Variants in KIF13A observed in about 807,000 individuals in gnomAD.
The protein encoded by KIF13A is kinesin-like protein KIF13A.
Under a neutral mutation model 212.2 loss-of-function variants are expected in KIF13A, and 79 were observed. The ratio of observed to expected loss-of-function variants is 0.37; its 90% CI spans 0.31 to 0.45. KIF13A has a LOEUF of 0.45. KIF13A is among the 20% of genes least tolerant of loss of function. The pLI, the probability that KIF13A is intolerant of heterozygous loss-of-function variation, is 1.00. For synonymous variants in KIF13A, 789 were observed against 808.6 expected (o/e 0.98, Z 0.41); for missense variants, 1,901 against 2,209.0 (o/e 0.86, Z 2.79).
At position 17,917,924 on chromosome 6, in the gene KIF13A, A is replaced by G. The variant is rs140716263; in HGVS notation, c.147-19744T>C. Reference sequence around the variant, plus strand: ...ATAACACTTCCACTTTGGAGGCTTCAAGCTACTGCCCCCTCTGCCAGGAAT... The same window carrying G: ...ATAACACTTCCACTTTGGAGGCTTCGAGCTACTGCCCCCTCTGCCAGGAAT... On this transcript the variant is annotated intron_variant, in intron 2 of 38. Transcript: ENST00000259711. Among the ~76,000 whole-genome samples, 33 of 152,056 alleles carry G rather than the reference A, an allele frequency of 2.2e-4. No homozygotes were observed. The East Asian group carries it at 6.4e-3, about 29-fold the overall frequency.
Position 17,849,404 on chromosome 6 carries a change from C to A in KIF13A, c.803G>T (p.Arg268Leu). 6.2e-7 allele frequency: 1 copy of A among 1,613,258 alleles called. No individual in the cohort carries two copies. Among genetic ancestry groups the A allele is most frequent in the Non-Finnish European group, 8.5e-7 (1 of 1,179,546 alleles). ...RVSKTGAAGE[R>L]LKEGSNINKS... ...GTTAATGTTGCTGCCTTCTTTCAGT[C>A]GCTCTCCTGCAGCTCCTGTTTTAGA... Residue 268 changes from arginine to leucine, a missense_variant, in exon 9 of 39, where the codon CGA (arginine) becomes CTA (leucine). Arg to Leu is a moderately radical substitution (Grantham distance 102, BLOSUM62 -2). This residue lies in a region of KIF13A where 506 missense variants were observed against 637.4 expected (regional missense o/e 0.79). Transcript: ENST00000259711. This position sits in a 1 kb window ranked among gnomAD's most constrained non-coding sequence, Gnocchi z 5.7.
chr6:17,794,824 T>C lies in KIF13A; in HGVS notation c.2943-120A>G. ...GCTAGGCACTGTGCCATTTATCTTG[T>C]ATAAGTTACTTCCTTATTTAACTCT... On this transcript the variant is annotated intron_variant, in intron 23 of 38. Coordinates refer to ENST00000259711, the MANE Select transcript of KIF13A (RefSeq NM_022113.6). The surrounding 1 kb of genome is among the most constrained non-coding windows in gnomAD (Gnocchi z 4.1). The C allele has an allele frequency of 2.0e-6, 2 of 1,025,160 alleles. No individual in the cohort carries two copies. Among genetic ancestry groups the C allele is most frequent in the Non-Finnish European group, 2.8e-6 (2 of 718,080 alleles). The allele number at this position is 1,025,160 out of a possible 1,614,324, so 63.5% of individuals were successfully genotyped here. A position where few individuals can be genotyped will look rare whatever the true frequency, so the allele number is the denominator to read the frequency against.
intron 2 of KIF13A, among the ~76,000 whole-genome samples, chr6:17,936,823 AGT>A (rs1424345990): frequency 6.6e-6 from 1 of 152,234 alleles, no homozygotes; most frequent in African/African-American, 2.4e-5. Flanking sequence ...GTTACATTTA[AGT>A]GTGTTTGCAT....
At chr6:17,922,410 A>G (rs1441852938) in intron 2 of KIF13A, among the ~76,000 whole-genome samples, 1 of 152,224 alleles carries the variant, frequency 6.6e-6, no homozygotes. Context: ...TACTCCATAC[A>G]ATGCAACAGT....
In KIF13A at chr6:17,787,679, T is replaced by C; in HGVS notation, c.3361+97A>G. 1.4e-6 allele frequency: 1 copy of C among 696,946 alleles called. No individual in the cohort carries two copies. 43.2% of individuals were successfully genotyped at this position (696,946 alleles called of 1,614,324 possible). On this transcript the variant is annotated intron_variant, in intron 27 of 38. Coordinates refer to ENST00000259711, the MANE Select transcript of KIF13A (RefSeq NM_022113.6). The surrounding 1 kb of genome is among the most constrained non-coding windows in gnomAD (Gnocchi z 4.6). Reference sequence around the variant, plus strand: ...ACAACAACAACAACAACAACAAAAATAAGATACTACTGTCCAGTTAGGGGA... The same window carrying C: ...ACAACAACAACAACAACAACAAAAACAAGATACTACTGTCCAGTTAGGGGA...
intron 16 of KIF13A, chr6:17,821,903 C>T: frequency 2.0e-6 from 3 of 1,535,424 alleles, no homozygotes; most frequent in African/African-American, 1.4e-5. Context: ...ATCGGGAAGC[C>T]ACCTAGCAGT....
rs1771278782 is a variant in KIF13A at position 17,883,588 on chromosome 6, T to G, written c.160-10151A>C. 6.6e-6 allele frequency among the ~76,000 whole-genome samples: 1 copy of G among 152,190 alleles called. No homozygotes were observed. The highest frequency in any genetic ancestry group is 6.5e-5 in the Admixed American group (1 of 15,272). ...CTGGTGTCACCCTACAGGCATTATT[T>G]TTGTGTTTACTGGATTCCCACTGCT... On this transcript the variant is annotated intron_variant, in intron 3 of 38. Coordinates refer to ENST00000259711, the MANE Select transcript of KIF13A (RefSeq NM_022113.6). The surrounding 1 kb of genome is among the most constrained non-coding windows in gnomAD (Gnocchi z 4.8).
At chr6:17,853,177 T>C (rs1465024833) in intron 6 of KIF13A, among the ~76,000 whole-genome samples, 2 of 152,194 alleles carry the variant, frequency 1.3e-5, no homozygotes, top group Non-Finnish European at 2.9e-5. Flanking sequence ...GCCGTTTCAT[T>C]TCATAACATC....
At chr6:17,985,457 G>A (rs939483255) in intron 2 of KIF13A, among the ~76,000 whole-genome samples, 4 of 152,064 alleles carry the variant, frequency 2.6e-5, no homozygotes, top group African/African-American at 9.7e-5. Flanking sequence ...TCATTAAACA[G>A]TAGCTAACAG....
intron 2 of KIF13A, among the ~76,000 whole-genome samples, chr6:17,904,249 C>A (rs1360019410): frequency 1.3e-5 from 2 of 152,024 alleles, no homozygotes; most frequent in African/African-American, 4.8e-5. Flanking sequence ...GGGTGGATCA[C>A]TTGAGGTCAG....
chr6:17,987,223 G>T lies in KIF13A; in HGVS notation c.56-79C>A. On this transcript the variant is annotated intron_variant, in intron 1 of 38. Transcript: ENST00000259711. The surrounding 1 kb of genome is among the most constrained non-coding windows in gnomAD (Gnocchi z 7.7). ...CGCCCGCCCGCCAGCCGCGCCGAGCGGGGCTCCGTCCCTGGAGGCGGCCGA... is the reference window on the plus strand; with the variant it reads ...CGCCCGCCCGCCAGCCGCGCCGAGCTGGGCTCCGTCCCTGGAGGCGGCCGA... The T allele has an allele frequency of 7.8e-7, 1 of 1,288,852 alleles. No homozygotes were observed. The highest frequency in any genetic ancestry group is 1.1e-6 in the Non-Finnish European group (1 of 929,586). 79.8% of individuals were successfully genotyped at this position (1,288,852 alleles called of 1,614,324 possible). A position where few individuals can be genotyped will look rare whatever the true frequency, so the allele number is the denominator to read the frequency against.
At chr6:17,840,601 C>T (rs756738478) in intron 9 of KIF13A, among the ~76,000 whole-genome samples, 2 of 152,158 alleles carry the variant, frequency 1.3e-5, no homozygotes, top group Non-Finnish European at 2.9e-5. Flanking sequence ...ATTTATCCAT[C>T]ACCGAGAGAA....
intron 11 of KIF13A, among the ~76,000 whole-genome samples, chr6:17,835,213 AAAAAAAAAAAAAAAAAAAAAAAAAAAG>A (rs1765829271): frequency 1.6e-4 from 3 of 18,666 alleles, no homozygotes; most frequent in African/African-American, 7.7e-4. Flanking sequence ...AAAAAAAAAA[AAAAAAAAAAAAAAAAAAAAAAAAAAAG>A]AAACAGAAAA....
At chr6:17,964,684 A>T (rs1239344615) in intron 2 of KIF13A, among the ~76,000 whole-genome samples, 1 of 152,158 alleles carries the variant, frequency 6.6e-6, no homozygotes. Context: ...TTTTGAAATA[A>T]CATAGACAAT....
downstream of KIF13A, chr6:17,760,914 C>T (rs1315797190): frequency 1.9e-6 from 3 of 1,609,350 alleles, no homozygotes; most frequent in Non-Finnish European, 2.6e-6. Context: ...TGCTTCTCAT[C>T]CCCACCTCCC....
rs553104189 is a variant in KIF13A at position 17,843,692 on chromosome 6, G to A, written c.830+5685C>T. The stretch of plus-strand genomic sequence containing the variant: ...TGTTAAATGAGAAAAATTAACTCAC[G>A]TCATTGTCAGTGTAGCTGGTTTCTG... On this transcript the variant is annotated intron_variant, in intron 9 of 38. Transcript: ENST00000259711. The surrounding 1 kb of genome is among the most constrained non-coding windows in gnomAD (Gnocchi z 5.3). 2.0e-5 allele frequency among the ~76,000 whole-genome samples: 3 copies of A among 152,296 alleles called. No homozygotes were observed. Among genetic ancestry groups the A allele is most frequent in the Admixed American group, 6.5e-5 (1 of 15,300 alleles).
chr6:17,764,368 C>T lies in KIF13A; in HGVS notation c.5160G>A (p.Glu1720=). 6.2e-7 allele frequency: 1 copy of T among 1,613,972 alleles called. No homozygotes were observed. Residue 1720 remains glutamate, a synonymous_variant, in exon 39 of 39, where the codon GAG becomes GAA. Transcript: ENST00000259711. This position sits in a 1 kb window ranked among gnomAD's most constrained non-coding sequence, Gnocchi z 5.1. ...TGTTGGTGGTGTGTTCTACCGTCACCTCCCTGGGGCAGAATCCCCTGGCTG... is the reference window on the plus strand; with the variant it reads ...TGTTGGTGGTGTGTTCTACCGTCACTTCCCTGGGGCAGAATCCCCTGGCTG... ...SQPARGFCPR[E]VTVEHTTNIL...
downstream of KIF13A, chr6:17,761,020 A>G (rs946454250): frequency 3.9e-5 from 29 of 736,150 alleles, no homozygotes; most frequent in Non-Finnish European, 6.4e-5. Flanking sequence ...TTTATTATGG[A>G]ATCCAGTGCT....
At chr6:17,935,703 C>T (rs1428214437) in intron 2 of KIF13A, among the ~76,000 whole-genome samples, 1 of 152,148 alleles carries the variant, frequency 6.6e-6, no homozygotes, top group Non-Finnish European at 1.5e-5. Flanking sequence ...AAACTGTACC[C>T]TTGTGAACAA....
Sources: gnomAD v4.1 joint callset for allele counts (sites outside exome capture counted in the v4.1 genomes callset) on GRCh38, gnomAD v4.1.1 for gene constraint, gnomAD v4.1.1 regional missense constraint, Gnocchi (gnomAD v3.1) non-coding constraint, MANE v1.5 for transcripts, NCBI Gene and HGNC (gene_info 2026-07-23, HGNC 2026-07-21) for gene names.